Variants in CELF4 observed in about 807,000 individuals in gnomAD.
The protein encoded by CELF4 is CUG-BP- and ETR-3-like factor 4.
In CELF4, 18 loss-of-function variants were observed where a neutral mutation model predicts 59.9. The observed-to-expected ratio is 0.30, with a 90% CI of 0.21 to 0.45. The LOEUF is 0.45. Among genes scored for constraint, CELF4 ranks in the 20% least tolerant of loss-of-function variants. The pLI is 1.00. For synonymous variants in CELF4, 261 were observed against 267.1 expected (o/e 0.98, Z 0.22); for missense variants, 456 against 689.0 (o/e 0.66, Z 3.79).
chr18:37,419,307 C>G (rs768642710), intron 2 of CELF4, among the ~76,000 whole-genome samples: 3 of 152,190 alleles, frequency 2.0e-5, no homozygotes, highest in Non-Finnish European at 4.4e-5. Flanking sequence ...TTCAGGGTCA[C>G]AACTCAAGAA....
intron 2 of CELF4, among the ~76,000 whole-genome samples, chr18:37,362,340 C>T (rs990708153): frequency 1.1e-4 from 16 of 152,186 alleles, no homozygotes; most frequent in South Asian, 4.1e-4. Context: ...GGGTTGCGGA[C>T]GCATCACTCC....
intron 1 of CELF4, 72 bp downstream of exon 1, chr18:37,565,284 C>A: frequency 6.9e-7 from 1 of 1,449,308 alleles, no homozygotes; most frequent in Admixed American, 2.4e-5. Context: ...GCTCGTCAGT[C>A]GCCGGCCGGC....
In CELF4 at chr18:37,496,892, G is replaced by T. The variant is rs571500451; in HGVS notation, c.287-11285C>A. On this transcript the variant is annotated intron_variant, in intron 1 of 12. Coordinates refer to ENST00000420428, the MANE Select transcript of CELF4 (RefSeq NM_020180.4). ...CTGTGACTGGGACGCCAGCCTCAAT[G>T]AGTCAATCCCTCAAATCCAGAGGGG... 3.7e-4 allele frequency among the ~76,000 whole-genome samples: 57 copies of T among 152,310 alleles called. 1 individual carries two copies. The highest frequency in any genetic ancestry group is 2.1e-3 in the South Asian group (10 of 4,826).
At chr18:37,249,150 G>A (rs1160693026) in intron 12 of CELF4, among the ~76,000 whole-genome samples, 1 of 152,078 alleles carries the variant, frequency 6.6e-6, no homozygotes, top group South Asian at 2.1e-4. Flanking sequence ...CCTTCCCCCA[G>A]ATCAGGGACC....
chr18:37,281,265 C>T (rs537430606), intron 3 of CELF4, among the ~76,000 whole-genome samples: 313 of 152,356 alleles, frequency 2.1e-3, no homozygotes, highest in African/African-American at 7.4e-3. Flanking sequence ...GGTAACAGCA[C>T]TACCACTTGA....
chr18:37,406,662 C>G lies in CELF4; in HGVS notation c.369+78863G>C, dbSNP rs564980308. On this transcript the variant is annotated intron_variant, in intron 2 of 12. Coordinates refer to ENST00000420428, the MANE Select transcript of CELF4 (RefSeq NM_020180.4). ...GCACATTGAAAGAAGAAAATATTTT[C>G]CTGGTTGCTCCATTGTGGGCCAGGG... Among the ~76,000 whole-genome samples, 4 of 152,262 alleles carry G rather than the reference C, an allele frequency of 2.6e-5. No homozygotes were observed. The South Asian group carries it at 8.3e-4, about 32-fold the overall frequency.
At chr18:37,488,643 A>G (rs960784178) in intron 1 of CELF4, among the ~76,000 whole-genome samples, 1 of 152,072 alleles carries the variant, frequency 6.6e-6, no homozygotes, top group African/African-American at 2.4e-5. Flanking sequence ...GTGCACTCTC[A>G]CCATGCTTCC....
chr18:37,256,415 G>T (rs941025331), intron 11 of CELF4, among the ~76,000 whole-genome samples: 1 of 152,128 alleles, frequency 6.6e-6, no homozygotes, highest in Non-Finnish European at 1.5e-5. Flanking sequence ...GAACAAAGGG[G>T]ACCTAGCACT....
chr18:37,519,584 G>A (rs897213790), intron 1 of CELF4, among the ~76,000 whole-genome samples: 5 of 152,198 alleles, frequency 3.3e-5, no homozygotes, highest in Admixed American at 1.3e-4. Context: ...TCAGGTGTTC[G>A]TCAGTCTGCA....
chr18:37,519,082 T>C (rs967397082), intron 1 of CELF4, among the ~76,000 whole-genome samples: 1 of 151,992 alleles, frequency 6.6e-6, no homozygotes, highest in Non-Finnish European at 1.5e-5. Context: ...CACCTGGAGG[T>C]CCTGAGAGCC....
At chr18:37,341,190 C>T (rs1338291811) in intron 2 of CELF4, among the ~76,000 whole-genome samples, 1 of 152,176 alleles carries the variant, frequency 6.6e-6, no homozygotes, top group African/African-American at 2.4e-5. Flanking sequence ...TAACCAGGCT[C>T]CATGGGTGTG....
intron 2 of CELF4, among the ~76,000 whole-genome samples, chr18:37,478,126 C>T (rs545993757): frequency 5.9e-5 from 9 of 152,178 alleles, no homozygotes; most frequent in Non-Finnish European, 1.3e-4. Context: ...TCTCCTCTCC[C>T]TGTTGTCTTA....
chr18:37,377,459 G>A (rs1042997247), intron 2 of CELF4, among the ~76,000 whole-genome samples: 1 of 152,212 alleles, frequency 6.6e-6, no homozygotes, highest in African/African-American at 2.4e-5. Flanking sequence ...CCCAGGCATG[G>A]GATGCTTCTC....
At chr18:37,470,870 GTGTGTGT>G (rs2099819433) in intron 2 of CELF4, among the ~76,000 whole-genome samples, 9 of 125,024 alleles carry the variant, frequency 7.2e-5, no homozygotes, top group Admixed American at 3.7e-4. Flanking sequence ...GTGTGTGTGT[GTGTGTGT>G]GTGTGTGTGT....
At chr18:37,497,082 A>G (rs1163039871) in intron 1 of CELF4, among the ~76,000 whole-genome samples, 1 of 152,096 alleles carries the variant, frequency 6.6e-6, no homozygotes, top group African/African-American at 2.4e-5. Flanking sequence ...GAGTTGGTAA[A>G]TGGGGAGCCT....
chr18:37,555,224 C>G (rs1330931047), intron 1 of CELF4, among the ~76,000 whole-genome samples: 1 of 152,186 alleles, frequency 6.6e-6, no homozygotes, highest in Non-Finnish European at 1.5e-5. Flanking sequence ...CGTGCCTCAT[C>G]CGGTGAGACC....
At chr18:37,270,232 G>A (rs1298930446) in intron 8 of CELF4, among the ~76,000 whole-genome samples, 1 of 152,222 alleles carries the variant, frequency 6.6e-6, no homozygotes, top group Non-Finnish European at 1.5e-5. Flanking sequence ...TGGGCTGTCT[G>A]TGGTGCTGAC....
At chr18:37,327,122 A>G (rs2154528049) in intron 2 of CELF4, among the ~76,000 whole-genome samples, 1 of 152,216 alleles carries the variant, frequency 6.6e-6, no homozygotes, top group East Asian at 1.9e-4. Flanking sequence ...GGGCAGACAG[A>G]CAGAAAGACA....
At chr18:37,330,543 G>A (rs559477712) in intron 2 of CELF4, among the ~76,000 whole-genome samples, 5 of 152,316 alleles carry the variant, frequency 3.3e-5, no homozygotes, top group African/African-American at 1.2e-4. Flanking sequence ...CTGACTCCAG[G>A]ACACCCTCAG....
Sources: gnomAD v4.1 joint callset for allele counts (sites outside exome capture counted in the v4.1 genomes callset) on GRCh38, gnomAD v4.1.1 for gene constraint, MANE v1.5 for transcripts, NCBI Gene and HGNC (gene_info 2026-07-23, HGNC 2026-07-21) for gene names.